Variants in SCLT1 observed in about 807,000 individuals in gnomAD.
The protein encoded by SCLT1 is sodium channel-associated protein 1.
Under a neutral mutation model 112.8 loss-of-function variants are expected in SCLT1, and 78 were observed. The ratio of observed to expected loss-of-function variants is 0.69; its 90% CI spans 0.58 to 0.83. The LOEUF is 0.83. Among genes scored for constraint, SCLT1 ranks in the 40% least tolerant of loss-of-function variants. SCLT1 has a pLI of 0.00. For missense variants in SCLT1, 747 were observed against 770.4 expected (o/e 0.97, Z 0.36); for synonymous variants, 257 against 254.7 (o/e 1.01, Z -0.09).
chr4:129,047,720 G>GC (rs1223332803), intron 2 of SCLT1, among the ~76,000 whole-genome samples: 7 of 152,066 alleles, frequency 4.6e-5, no homozygotes, highest in African/African-American at 1.7e-4. Flanking sequence ...GTTTTGATTT[G>GC]CATTTCTCTA....
Position 128,960,266 on chromosome 4 carries a change from C to CAT in SCLT1, c.870-491_870-490dup, listed in dbSNP as rs556161334. Reference sequence around the variant, plus strand: ...CTCAATATTCATATGATCATATGTACATATATATATATACTCATACACATA... The same window carrying CAT: ...CTCAATATTCATATGATCATATGTACATATATATATATATACTCATACACATA... On this transcript the variant is annotated intron_variant, in intron 11 of 20. Coordinates refer to ENST00000281142, the MANE Select transcript of SCLT1 (RefSeq NM_144643.4). 5.1e-3 allele frequency among the ~76,000 whole-genome samples: 778 copies of CAT among 151,250 alleles called. 11 individuals carry two copies. The highest frequency in any genetic ancestry group is 7.4e-3 in the Non-Finnish European group (504 of 67,776).
chr4:129,015,791 G>C (rs1452849465), intron 5 of SCLT1, among the ~76,000 whole-genome samples: 1 of 152,116 alleles, frequency 6.6e-6, no homozygotes, highest in Middle Eastern at 3.2e-3. Context: ...CCAGGAATGA[G>C]TCCAGTTTTC....
intron 5 of SCLT1, among the ~76,000 whole-genome samples, chr4:129,018,782 T>A (rs1560971302): frequency 6.6e-6 from 1 of 152,158 alleles, no homozygotes; most frequent in Admixed American, 6.5e-5. Context: ...CTTATTTTAC[T>A]AACTCTCAAT....
At chr4:129,032,715 C>A (rs1294374334) in intron 5 of SCLT1, among the ~76,000 whole-genome samples, 2 of 151,690 alleles carry the variant, frequency 1.3e-5, no homozygotes, top group Admixed American at 1.3e-4. Context: ...ATTTATACAG[C>A]CAACAAACAT....
chr4:129,024,219 G>A (rs1375301143), intron 5 of SCLT1, among the ~76,000 whole-genome samples: 1 of 152,230 alleles, frequency 6.6e-6, no homozygotes, highest in Non-Finnish European at 1.5e-5. Flanking sequence ...GGAGATCTGA[G>A]AACGGGCAGA....
At chr4:128,945,929 A>C in intron 16 of SCLT1, 78 bp downstream of exon 16, 1 of 939,306 alleles carries the variant, frequency 1.1e-6, no homozygotes, top group East Asian at 2.5e-5. Context: ...TACCAAAAAA[A>C]AGAAAAGGTA....
At chr4:128,941,723 G>A (rs1016089524) in intron 17 of SCLT1, among the ~76,000 whole-genome samples, 3 of 151,898 alleles carry the variant, frequency 2.0e-5, no homozygotes, top group African/African-American at 7.2e-5. Flanking sequence ...TTTGTGCTCT[G>A]TTTAAGAAAT....
intron 11 of SCLT1, among the ~76,000 whole-genome samples, chr4:128,961,282 A>G (rs549099948): frequency 7.8e-4 from 119 of 152,256 alleles, no homozygotes; most frequent in Non-Finnish European, 1.4e-3. Context: ...GTCCAATTTA[A>G]GTTCCAGACT....
chr4:129,009,209 T>G (rs1053118679), intron 5 of SCLT1, among the ~76,000 whole-genome samples: 1 of 152,042 alleles, frequency 6.6e-6, no homozygotes, highest in Non-Finnish European at 1.5e-5. Flanking sequence ...AAATGGCACT[T>G]CTGTTTTGAG....
intron 14 of SCLT1, among the ~76,000 whole-genome samples, chr4:128,952,140 T>C (rs1465270629): frequency 2.0e-5 from 3 of 152,174 alleles, no homozygotes; most frequent in Admixed American, 6.5e-5. Context: ...TAAAGCATGA[T>C]AGTTATTACA....
intron 2 of SCLT1, among the ~76,000 whole-genome samples, chr4:129,054,849 T>A (rs548122421): frequency 3.9e-5 from 6 of 152,204 alleles, no homozygotes; most frequent in Admixed American, 3.9e-4. Context: ...TTTGGATTTT[T>A]CAACATTTTT....
At chr4:129,022,146 GC>G (rs1226021645) in intron 5 of SCLT1, among the ~76,000 whole-genome samples, 1 of 152,138 alleles carries the variant, frequency 6.6e-6, no homozygotes, top group East Asian at 1.9e-4. Flanking sequence ...AAGCTCATCA[GC>G]CTCAAAAATC....
At chr4:129,005,814 C>A (rs1234994381) in intron 5 of SCLT1, among the ~76,000 whole-genome samples, 1 of 150,800 alleles carries the variant, frequency 6.6e-6, no homozygotes, top group Admixed American at 6.6e-5. Context: ...GGCACATATA[C>A]ACCATGGAAT....
At chr4:129,033,502 T>TAAA (rs56325033) in intron 5 of SCLT1, among the ~76,000 whole-genome samples, 496 of 44,312 alleles carry the variant, frequency 0.011, 9 homozygotes, top group Non-Finnish European at 0.017. Flanking sequence ...GAACTTAAAG[T>TAAA]AAAAAAAAAA....
At chr4:128,898,304 A>G (rs1364683785) in intron 18 of SCLT1, among the ~76,000 whole-genome samples, 8 of 152,248 alleles carry the variant, frequency 5.3e-5, no homozygotes, top group Non-Finnish European at 1.0e-4. Flanking sequence ...GTAAAAGAGC[A>G]GAAATTATAA....
chr4:128,905,736 A>AT (rs1415869154), intron 18 of SCLT1, among the ~76,000 whole-genome samples: 5 of 152,128 alleles, frequency 3.3e-5, no homozygotes, highest in African/African-American at 9.7e-5. Context: ...TCTGCCTGGA[A>AT]TATTTTCCTG....
At chr4:128,915,497 G>C (rs1329482259) in intron 18 of SCLT1, among the ~76,000 whole-genome samples, 1 of 152,118 alleles carries the variant, frequency 6.6e-6, no homozygotes, top group Non-Finnish European at 1.5e-5. Context: ...GCATTTTCAA[G>C]TTTGTAAGAT....
intron 20 of SCLT1, among the ~76,000 whole-genome samples, chr4:128,885,912 T>G (rs1352702754): frequency 6.6e-6 from 1 of 152,240 alleles, no homozygotes; most frequent in Non-Finnish European, 1.5e-5. Flanking sequence ...CCATCTGTCC[T>G]TCTTTCTCCA....
intron 20 of SCLT1, 38 bp from the exon 21 acceptor site, chr4:128,884,577 T>G (rs1387393559): frequency 7.6e-7 from 1 of 1,324,024 alleles, no homozygotes; most frequent in Non-Finnish European, 1.1e-6. Flanking sequence ...TAGTTACTTT[T>G]TCTGTGGAAA....
Sources: gnomAD v4.1 joint callset for allele counts (sites outside exome capture counted in the v4.1 genomes callset) on GRCh38, gnomAD v4.1.1 for gene constraint, MANE v1.5 for transcripts, NCBI Gene and HGNC (gene_info 2026-07-23, HGNC 2026-07-21) for gene names.